Variants in PROM1 observed in about 807,000 individuals in gnomAD.
The protein encoded by PROM1 is prominin 1.
PROM1 carries 105 observed loss-of-function variants against 116.9 expected under a neutral mutation model. That is an observed-to-expected ratio of 0.90 (90% CI 0.77 to 1.06). The LOEUF (loss-of-function observed/expected upper bound fraction) is 1.06, where lower values mean the gene tolerates loss of function less well. Among genes scored for constraint, PROM1 ranks in the 50% least tolerant of loss-of-function variants. The pLI, the probability that PROM1 is intolerant of heterozygous loss-of-function variation, is 0.00. For synonymous variants in PROM1, 393 were observed against 387.0 expected, an observed-to-expected ratio of 1.02 and a Z score of -0.18; for missense variants, 1,122 against 1,045.2, an observed-to-expected ratio of 1.07 and a Z score of -1.01.
intron 15 of PROM1, among the ~76,000 whole-genome samples, chr4:15,997,590 G>C (rs1454577761): frequency 1.3e-5 from 2 of 152,030 alleles, no homozygotes; most frequent in Non-Finnish European, 2.9e-5. Flanking sequence ...CTCCTGAGTA[G>C]CTGAGTCTAC....
intron 11 of PROM1, among the ~76,000 whole-genome samples, chr4:16,012,158 G>A (rs1471160361): frequency 6.6e-6 from 1 of 152,024 alleles, no homozygotes; most frequent in Non-Finnish European, 1.5e-5. Context: ...AACCATGCCT[G>A]GCTAATTTTT....
chr4:16,002,095 T>C (rs1156585739), intron 13 of PROM1, among the ~76,000 whole-genome samples: 1 of 152,014 alleles, frequency 6.6e-6, no homozygotes, highest in Non-Finnish European at 1.5e-5. Flanking sequence ...CATGATGGCT[T>C]CTATTTTCTC....
chr4:16,083,929 C>G (rs1001929197), intron 1 of PROM1, 49 bp downstream of exon 1: 1 of 152,214 alleles, frequency 6.6e-6, no homozygotes, highest in African/African-American at 2.4e-5. Flanking sequence ...CGGACGGGGA[C>G]CTAGGTATGG....
At chr4:16,024,946 A>G (rs1259280364) in intron 6 of PROM1, among the ~76,000 whole-genome samples, 2 of 152,196 alleles carry the variant, frequency 1.3e-5, no homozygotes, top group African/African-American at 4.8e-5. Context: ...TCCTTCTATA[A>G]TATGTACTGT....
At chr4:15,984,527 G>A (rs577009037) in intron 22 of PROM1, among the ~76,000 whole-genome samples, 172 bp from the exon 23 acceptor site, 2 of 152,338 alleles carry the variant, frequency 1.3e-5, no homozygotes, top group African/African-American at 4.8e-5. Context: ...CCGGTCCACA[G>A]CCTGTTAGGA....
intron 26 of PROM1, chr4:15,972,086 T>C (rs978605135): frequency 6.6e-6 from 1 of 152,172 alleles, no homozygotes; most frequent in Non-Finnish European, 1.5e-5. Flanking sequence ...ATTTGCCTTA[T>C]TGAGCAGAGG....
chr4:16,071,560 T>C (rs1321258993), intron 2 of PROM1, among the ~76,000 whole-genome samples: 5 of 152,134 alleles, frequency 3.3e-5, no homozygotes, highest in African/African-American at 4.8e-5. Flanking sequence ...ACCTTCATGA[T>C]GGAATTAGTG....
intron 13 of PROM1, among the ~76,000 whole-genome samples, chr4:16,002,701 G>A (rs1724177125): frequency 6.6e-6 from 1 of 152,168 alleles, no homozygotes; most frequent in Non-Finnish European, 1.5e-5. Flanking sequence ...ATCCCTGTCT[G>A]AGCATGTGTG....
chr4:15,984,092 A>T (rs1718656759), intron 23 of PROM1, among the ~76,000 whole-genome samples, 171 bp downstream of exon 23: 1 of 152,212 alleles, frequency 6.6e-6, no homozygotes, highest in Non-Finnish European at 1.5e-5. Context: ...AACCGCCCAG[A>T]ACTTTGACTT....
intron 2 of PROM1, among the ~76,000 whole-genome samples, chr4:16,049,138 T>C (rs1737252504): frequency 6.6e-6 from 1 of 152,260 alleles, no homozygotes; most frequent in African/African-American, 2.4e-5. Flanking sequence ...ATTTGTGGAT[T>C]CCGACGGCAT....
In PROM1 at chr4:15,993,869, T is replaced by G. The variant is rs1669830436; in HGVS notation, c.1767+118A>C. 3 of 1,492,246 alleles carry G rather than the reference T, an allele frequency of 2.0e-6. No homozygotes were observed. In the African/African-American group the frequency reaches 4.2e-5, roughly 21 times the overall value. 92.4% of individuals were successfully genotyped at this position (1,492,246 alleles called of 1,614,324 possible). On this transcript the variant is annotated intron_variant, in intron 16 of 27. Transcript: ENST00000447510. ...GCCATGTAAATATACCAAACATCAC[T>G]TTTAAATAGTTAATTTTATCTTTTG...
intron 2 of PROM1, among the ~76,000 whole-genome samples, chr4:16,066,079 T>C (rs1741463035): frequency 6.6e-6 from 1 of 152,182 alleles, no homozygotes; most frequent in African/African-American, 2.4e-5. Context: ...CTCCAGAGCC[T>C]TCAGATGGAG....
At chr4:15,986,096 A>G (rs956724941) in intron 20 of PROM1, 59 bp from the exon 21 acceptor site, 3 of 1,221,720 alleles carry the variant, frequency 2.5e-6, no homozygotes, top group African/African-American at 3.0e-5. Flanking sequence ...TAATTAGACA[A>G]TTTGCATATT....
chr4:15,998,180 C>T (rs1722805278), intron 15 of PROM1, among the ~76,000 whole-genome samples: 1 of 152,192 alleles, frequency 6.6e-6, no homozygotes, highest in Non-Finnish European at 1.5e-5. Context: ...CTTGAAACAT[C>T]ACCATTCCAA....
chr4:15,989,212 C>T (rs1720306234), intron 19 of PROM1, among the ~76,000 whole-genome samples: 2 of 152,072 alleles, frequency 1.3e-5, no homozygotes, highest in Admixed American at 1.3e-4. Context: ...AACTCCAAAG[C>T]CCACATTCTT....
At chr4:16,033,920 T>G (rs572839327) in intron 4 of PROM1, among the ~76,000 whole-genome samples, 10 of 151,762 alleles carry the variant, frequency 6.6e-5, no homozygotes, top group South Asian at 4.2e-4. Context: ...TATATATATA[T>G]GTATGTATTT....
At chr4:16,017,330 A>G (rs1395740291) in intron 9 of PROM1, among the ~76,000 whole-genome samples, 4 of 152,204 alleles carry the variant, frequency 2.6e-5, no homozygotes, top group African/African-American at 9.6e-5. Context: ...TGTTTGATAC[A>G]TATTAAAAAT....
chr4:16,034,202 G>C (rs950945376), intron 4 of PROM1, among the ~76,000 whole-genome samples: 2 of 152,130 alleles, frequency 1.3e-5, no homozygotes, highest in South Asian at 2.1e-4. Flanking sequence ...AAAGCACTTT[G>C]GATTGGCTGG....
chr4:15,970,419 C>T lies in PROM1; in HGVS notation c.*24+624G>A, dbSNP rs189838198. Among the ~76,000 whole-genome samples, 291 of 151,908 alleles carry T rather than the reference C, an allele frequency of 1.9e-3. 3 individuals carry two copies. In the South Asian group the frequency reaches 0.029, roughly 15 times the overall value. On this transcript the variant is annotated intron_variant, in intron 27 of 27. Transcript: ENST00000447510. ...AGCTCCTGACCTCAAGTGATCTGCC[C>T]GCCTCGGCCTCCCATAGTGCTGGGA...
Sources: allele counts gnomAD v4.1 joint callset (sites outside exome capture counted in the v4.1 genomes callset), GRCh38; gene constraint gnomAD v4.1.1; transcripts MANE v1.5; gene names NCBI Gene and HGNC (gene_info 2026-07-23, HGNC 2026-07-21).